Variants in NPC2 observed in about 807,000 individuals in gnomAD.
NPC2 encodes Niemann-Pick disease type C2 protein.
A neutral mutation model predicts 17.0 loss-of-function variants in NPC2; 14 were observed. That is an observed-to-expected ratio of 0.82 (90% CI 0.54 to 1.29). The LOEUF is 1.29. NPC2 is among the 50% of genes most tolerant of loss of function. The pLI is 0.00. For missense variants in NPC2, 167 were observed against 183.4 expected (o/e 0.91, Z 0.52); for synonymous variants, 75 against 69.3 (o/e 1.08, Z -0.41).
At chr14:74,493,504 G>T (rs1164065744), upstream of NPC2, 5 of 959,488 alleles carry the variant, frequency 5.2e-6, no homozygotes, top group East Asian at 7.9e-5. This position sits in a 1 kb window ranked among gnomAD's most constrained non-coding sequence, Gnocchi z 4.1. Context: ...GGCCTGACCC[G>T]CCCGGACCCA....
chr14:74,489,133 A>G (rs2086744035), intron 1 of NPC2, among the ~76,000 whole-genome samples: 1 of 152,234 alleles, frequency 6.6e-6, no homozygotes, highest in Admixed American at 6.5e-5. Flanking sequence ...GGCACAAGTT[A>G]AGCTTAACTC....
chr14:74,492,419 A>C (rs1455311012), intron 1 of NPC2, among the ~76,000 whole-genome samples: 1 of 152,212 alleles, frequency 6.6e-6, no homozygotes, highest in East Asian at 1.9e-4. Context: ...GATTGATTAT[A>C]CGATCTCCGT....
In NPC2 at chr14:74,486,354, G is replaced by T; in HGVS notation, c.165C>A (p.Tyr55Ter). Residue 55 changes from tyrosine (Y) to a stop codon, truncating the protein, a stop_gained, in exon 2 of 5, where the codon TAC (tyrosine) becomes TAA (stop). Transcript: ENST00000555619. LOFTEE classifies it high-confidence loss of function. ...QPCQLSKGQS[Y>*]SVNVTFTSNI... ...TGCTGGTGAAGGTGACATTGACGCT[G>T]TAAGACTGTCCTTTGCTCAGCTGGC... The T allele has an allele frequency of 6.2e-7, 1 of 1,602,578 alleles. No individual in the cohort carries two copies. The highest frequency in any genetic ancestry group is 1.1e-5 in the South Asian group (1 of 88,532).
upstream of NPC2, chr14:74,493,458 G>A: frequency 7.3e-7 from 1 of 1,375,034 alleles, no homozygotes; most frequent in Non-Finnish European, 1.0e-6. This position sits in a 1 kb window ranked among gnomAD's most constrained non-coding sequence, Gnocchi z 4.1. Context: ...CTCAGGCCCA[G>A]AAGCCTGCAG....
At chr14:74,487,429 C>T (rs143349488) in intron 1 of NPC2, among the ~76,000 whole-genome samples, 361 of 151,994 alleles carry the variant, frequency 2.4e-3, no homozygotes, top group African/African-American at 8.3e-3. Context: ...CCACCACACC[C>T]GGCTAATTTT....
chr14:74,480,330 C>T (rs897305676), intron 4 of NPC2, 42 bp from the exon 5 acceptor site: 1 of 1,544,622 alleles, frequency 6.5e-7, no homozygotes, highest in South Asian at 1.1e-5. Context: ...TGGTTTGGAA[C>T]CTTTCCTCCA....
In NPC2 at chr14:74,480,720, CCAG is replaced by C. The variant is rs781255433; in HGVS notation, c.420_422del (p.Cys140del). The C allele has an allele frequency of 2.9e-5, 47 of 1,613,954 alleles. No homozygotes were observed. Among genetic ancestry groups the C allele is most frequent in the Non-Finnish European group, 2.3e-5 (27 of 1,179,958 alleles). On this transcript the variant is annotated inframe_deletion, in exon 4 of 5. Coordinates refer to ENST00000555619, the MANE Select transcript of NPC2 (RefSeq NM_006432.5). Reference sequence around the variant, plus strand: ...GACTTACGATCTGTACTGGGATTTCCCAGCAGAAGAGACTTTGGTTTTTGTCAT... The same window carrying C: ...GACTTACGATCTGTACTGGGATTTCCCAGAAGAGACTTTGGTTTTTGTCAT...
upstream of NPC2, chr14:74,493,308 G>A (rs745830147): frequency 1.6e-5 from 26 of 1,602,976 alleles, no homozygotes; most frequent in Admixed American, 5.2e-5. This position sits in a 1 kb window ranked among gnomAD's most constrained non-coding sequence, Gnocchi z 4.1. Flanking sequence ...CGGGAAAGAA[G>A]CAGCGGCCGC....
At chr14:74,488,326 A>AC (rs1425613015) in intron 1 of NPC2, among the ~76,000 whole-genome samples, 1 of 151,990 alleles carries the variant, frequency 6.6e-6, no homozygotes, top group Non-Finnish European at 1.5e-5. Context: ...TCTTTCTTTC[A>AC]CCCCAACTTG....
Position 74,480,158 on chromosome 14 carries a change from C to G in NPC2, c.*116G>C, listed in dbSNP as rs550747017. 1.9e-6 allele frequency: 3 copies of G among 1,606,712 alleles called. No individual in the cohort carries two copies. The African/African-American group carries it at 4.0e-5, about 21-fold the overall frequency. ...CTGCTACAGAGCACCTCCTCTTCAA[C>G]GAATCACTGGATACCATTGGAGAGC... On this transcript the variant is annotated 3_prime_UTR_variant, in exon 5 of 5. Transcript: ENST00000555619.
chr14:74,493,382 A>G, upstream of NPC2: 2 of 1,548,792 alleles, frequency 1.3e-6, no homozygotes, highest in Non-Finnish European at 1.7e-6. This position sits in a 1 kb window ranked among gnomAD's most constrained non-coding sequence, Gnocchi z 4.1. Context: ...GCGACCTGTC[A>G]CCAGTAACCA....
chr14:74,493,255 G>A lies in NPC2; in HGVS notation c.20C>T (p.Thr7Ile), dbSNP rs1363601263. 1 of 1,613,408 alleles carries A rather than the reference G, an allele frequency of 6.2e-7. No individual in the cohort carries two copies. The change falls in exon 1 of 5, where the codon ACA (threonine) becomes ATA (isoleucine). Residue 7 changes from threonine (T) to isoleucine (I), a missense_variant. By Grantham distance (89) the Thr-to-Ile change is moderately conservative. Transcript: ENST00000555619. The surrounding 1 kb of genome is among the most constrained non-coding windows in gnomAD (Gnocchi z 4.1). MRFLAATFLLLALSTAA... is the reference protein window; with the variant it reads MRFLAAIFLLLALSTAA... ...GGTGCTGAGCGCCAGGAGCAGGAAT[G>A]TAGCTGCCAGGAAACGCATCGCGGA... is the stretch of plus-strand genomic sequence containing the variant.
In NPC2 at chr14:74,492,898, C is replaced by T. The variant is rs144655652; in HGVS notation, c.82+295G>A. Among the ~76,000 whole-genome samples, 1,290 of 152,294 alleles carry T rather than the reference C, an allele frequency of 8.5e-3. 5 individuals carry two copies. The highest frequency in any genetic ancestry group is 0.014 in the Non-Finnish European group (973 of 68,010). On this transcript the variant is annotated intron_variant, in intron 1 of 4. Transcript: ENST00000555619. ...CCCCTCCACCAGAGCTGGATACAGC[C>T]CTTCTGTTGTCCGCCCTACAAACTT...
At chr14:74,489,774 C>T (rs1325202916) in intron 1 of NPC2, among the ~76,000 whole-genome samples, 3 of 152,220 alleles carry the variant, frequency 2.0e-5, no homozygotes, top group African/African-American at 7.2e-5. Flanking sequence ...GCCATCATTG[C>T]TGAGAGGCAG....
At chr14:74,485,209 C>T (rs771557874) in intron 2 of NPC2, among the ~76,000 whole-genome samples, 1 of 139,620 alleles carries the variant, frequency 7.2e-6, no homozygotes, top group Non-Finnish European at 1.5e-5. Context: ...GCGGGAGAAT[C>T]GCTTGAGCCC....
intron 1 of NPC2, among the ~76,000 whole-genome samples, chr14:74,487,264 G>T (rs7150060): frequency 0.63 from 88,806 of 141,872 alleles, 27,935 homozygotes; most frequent in South Asian, 0.72. Context: ...TGTTTTTGTG[G>T]TTTTTTTTTG....
At chr14:74,489,177 G>C (rs1055646595) in intron 1 of NPC2, among the ~76,000 whole-genome samples, 1 of 152,204 alleles carries the variant, frequency 6.6e-6, no homozygotes, top group African/African-American at 2.4e-5. Flanking sequence ...CAAGATGGCA[G>C]AAGTGCCAGC....
At chr14:74,483,332 G>A in intron 3 of NPC2, 1 of 1,316,632 alleles carries the variant, frequency 7.6e-7, no homozygotes, top group Non-Finnish European at 1.1e-6. Context: ...GTGAGTAGTT[G>A]GCAAAGAACA....
intron 3 of NPC2, among the ~76,000 whole-genome samples, chr14:74,481,790 T>C (rs1170561666): frequency 6.6e-6 from 1 of 152,232 alleles, no homozygotes; most frequent in Non-Finnish European, 1.5e-5. Flanking sequence ...CTTGTTACAC[T>C]CATATCACGT....
Sources: gnomAD v4.1 joint callset for allele counts (sites outside exome capture counted in the v4.1 genomes callset) on GRCh38, gnomAD v4.1.1 for gene constraint, Gnocchi (gnomAD v3.1) non-coding constraint, MANE v1.5 for transcripts, NCBI Gene and HGNC (gene_info 2026-07-23, HGNC 2026-07-21) for gene names.